Variants in EPHA6 observed in about 807,000 individuals in gnomAD.
The protein encoded by EPHA6 is ephrin type-A receptor 6.
A neutral mutation model predicts 112.0 loss-of-function variants in EPHA6; 50 were observed. That is an observed-to-expected ratio of 0.45 (90% confidence interval 0.36 to 0.56). The LOEUF is 0.56. Among genes scored for constraint, EPHA6 ranks in the 20% least tolerant of loss-of-function variants. The probability of loss-of-function intolerance (pLI) is 0.00; values close to 1 mark genes in which losing one functional copy is unlikely to be tolerated. For synonymous variants in EPHA6, 529 were observed against 490.7 expected (o/e 1.08, Z -1.03); for missense variants, 1,280 against 1,417.4 (o/e 0.90, Z 1.56).
At chr3:97,645,037 A>G (rs1240378840) in intron 14 of EPHA6, among the ~76,000 whole-genome samples, 1 of 152,120 alleles carries the variant, frequency 6.6e-6, no homozygotes, top group Non-Finnish European at 1.5e-5. Context: ...AAAAATCCTC[A>G]ATAAAATACT....
chr3:97,087,990 G>A (rs1042725752), intron 3 of EPHA6, among the ~76,000 whole-genome samples: 1 of 151,956 alleles, frequency 6.6e-6, no homozygotes, highest in African/African-American at 2.4e-5. Flanking sequence ...GAGACCATCT[G>A]GCCAACATGG....
At chr3:96,864,052 A>G (rs927274640) in intron 1 of EPHA6, among the ~76,000 whole-genome samples, 1 of 152,064 alleles carries the variant, frequency 6.6e-6, no homozygotes, top group East Asian at 1.9e-4. Context: ...TGATAGAATG[A>G]CTTTAAAAAA....
chr3:97,245,058 T>C (rs2078948973), intron 5 of EPHA6, among the ~76,000 whole-genome samples: 1 of 152,056 alleles, frequency 6.6e-6, no homozygotes, highest in African/African-American at 2.4e-5. Context: ...TATTGCCTTA[T>C]AGTAGAAAGT....
At chr3:97,249,150 C>A (rs2079063752) in intron 5 of EPHA6, among the ~76,000 whole-genome samples, 1 of 151,798 alleles carries the variant, frequency 6.6e-6, no homozygotes. Flanking sequence ...CAGGCAATAA[C>A]CCTGACTTTA....
At chr3:97,636,233 A>G (rs1273688996) in intron 13 of EPHA6, among the ~76,000 whole-genome samples, 2 of 152,122 alleles carry the variant, frequency 1.3e-5, no homozygotes, top group Non-Finnish European at 2.9e-5. Flanking sequence ...AATAGGTAAA[A>G]AAGCCAACTT....
At chr3:97,113,883 A>C (rs2047802395) in intron 3 of EPHA6, among the ~76,000 whole-genome samples, 1 of 152,164 alleles carries the variant, frequency 6.6e-6, no homozygotes, top group Non-Finnish European at 1.5e-5. Context: ...TATTTTATGC[A>C]TATCTAGTGT....
At chr3:97,169,233 G>T (rs1244903573) in intron 3 of EPHA6, among the ~76,000 whole-genome samples, 1 of 152,138 alleles carries the variant, frequency 6.6e-6, no homozygotes, top group Non-Finnish European at 1.5e-5. Context: ...TGGATTAAAT[G>T]CACACATTTT....
intron 14 of EPHA6, among the ~76,000 whole-genome samples, chr3:97,669,424 A>G (rs2030545186): frequency 6.6e-6 from 1 of 151,950 alleles, no homozygotes; most frequent in African/African-American, 2.4e-5. Context: ...TTTCTCCAAG[A>G]GTAGTCTCTA....
intron 3 of EPHA6, among the ~76,000 whole-genome samples, chr3:97,029,076 C>T (rs1357264473): frequency 1.3e-5 from 2 of 151,632 alleles, no homozygotes; most frequent in East Asian, 1.9e-4. Context: ...TTAAAGTTAA[C>T]AGTTCTTGCA....
At chr3:96,882,713 A>T (rs2037385823) in intron 2 of EPHA6, among the ~76,000 whole-genome samples, 1 of 144,282 alleles carries the variant, frequency 6.9e-6, no homozygotes. Flanking sequence ...AAGGATTCGT[A>T]GTATTCCATT....
At chr3:97,042,785 G>C (rs902822443) in intron 3 of EPHA6, among the ~76,000 whole-genome samples, 6 of 152,074 alleles carry the variant, frequency 3.9e-5, no homozygotes, top group Admixed American at 6.6e-5. Context: ...ATCCATATCA[G>C]AGCAAGAAGA....
At chr3:97,349,425 A>G (rs2083692754) in intron 5 of EPHA6, among the ~76,000 whole-genome samples, 2 of 152,158 alleles carry the variant, frequency 1.3e-5, no homozygotes, top group South Asian at 4.1e-4. Flanking sequence ...CCTCACACAT[A>G]CCATTGTCAG....
chr3:97,524,177 C>T (rs1240708289), intron 10 of EPHA6, among the ~76,000 whole-genome samples: 1 of 151,854 alleles, frequency 6.6e-6, no homozygotes, highest in Non-Finnish European at 1.5e-5. Flanking sequence ...TCCAATCTTA[C>T]AGTCTTTCTT....
At chr3:97,029,469 G>A (rs1373935096) in intron 3 of EPHA6, among the ~76,000 whole-genome samples, 1 of 151,798 alleles carries the variant, frequency 6.6e-6, no homozygotes, top group Non-Finnish European at 1.5e-5. Flanking sequence ...TGCTGAAAGA[G>A]AAAAGCTAGA....
intron 14 of EPHA6, among the ~76,000 whole-genome samples, chr3:97,652,892 A>C (rs2094116421): frequency 6.6e-6 from 1 of 151,946 alleles, no homozygotes; most frequent in Non-Finnish European, 1.5e-5. Context: ...CTTGTATCTG[A>C]AGACATTCTA....
In EPHA6 at chr3:97,749,008, AC is replaced by A. The variant is rs893852274; in HGVS notation, c.*309del. The stretch of plus-strand genomic sequence containing the variant: ...TATATGGGAAGTGTTCACGGACTTA[AC>A]CTAAAAAAATTTATCCAGGTGGGGC... On this transcript the variant is annotated 3_prime_UTR_variant, in exon 18 of 18. Coordinates refer to ENST00000389672, the MANE Select transcript of EPHA6 (RefSeq NM_001080448.3). 9.3e-6 allele frequency: 3 copies of A among 322,416 alleles called. No homozygotes were observed. The highest frequency in any genetic ancestry group is 1.8e-5 in the Non-Finnish European group (3 of 169,652). 20.0% of individuals were successfully genotyped at this position (322,416 alleles called of 1,614,324 possible). A position where few individuals can be genotyped will look rare whatever the true frequency, so the allele number is the denominator to read the frequency against.
intron 8 of EPHA6, among the ~76,000 whole-genome samples, chr3:97,478,637 G>C (rs1465971910): frequency 6.6e-6 from 1 of 152,106 alleles, no homozygotes; most frequent in East Asian, 1.9e-4. Context: ...TAGGGGAGCA[G>C]TCATTGGAAA....
At chr3:97,684,830 A>AT (rs1240151350) in intron 14 of EPHA6, among the ~76,000 whole-genome samples, 1 of 152,182 alleles carries the variant, frequency 6.6e-6, no homozygotes, top group African/African-American at 2.4e-5. Context: ...TAAGCAGAGG[A>AT]TTCAGTTCAT....
chr3:97,400,439 A>G (rs1363803701), intron 5 of EPHA6, among the ~76,000 whole-genome samples: 1 of 151,242 alleles, frequency 6.6e-6, no homozygotes, highest in Non-Finnish European at 1.5e-5. Context: ...TGCTTCAGCG[A>G]TTTGTTTTTT....
Sources: allele counts gnomAD v4.1 joint callset (sites outside exome capture counted in the v4.1 genomes callset), GRCh38; gene constraint gnomAD v4.1.1; transcripts MANE v1.5; gene names NCBI Gene and HGNC (gene_info 2026-07-23, HGNC 2026-07-21).